Variants in NTRK2 observed in about 807,000 individuals in gnomAD.
NTRK2 encodes the protein neurotrophic receptor tyrosine kinase 2.
Under a neutral mutation model 94.5 loss-of-function variants are expected in NTRK2, and 13 were observed. The observed-to-expected ratio is 0.14, with a 90% CI of 0.09 to 0.22. The LOEUF is 0.22. Among genes scored for constraint, NTRK2 ranks in the 10% least tolerant of loss-of-function variants. The pLI, the probability that NTRK2 is intolerant of heterozygous loss-of-function variation, is 1.00. For missense variants in NTRK2, 639 were observed against 1,071.2 expected (o/e 0.60, Z 5.63); for synonymous variants, 372 against 407.4 (o/e 0.91, Z 1.05).
chr9:84,830,215 C>T (rs1028623952), intron 12 of NTRK2, among the ~76,000 whole-genome samples: 3 of 152,194 alleles, frequency 2.0e-5, no homozygotes, highest in Non-Finnish European at 2.9e-5. Flanking sequence ...CTCAGGCCCT[C>T]CCATGATGCC....
intron 12 of NTRK2, among the ~76,000 whole-genome samples, chr9:84,810,262 G>A (rs1005346597): frequency 3.9e-5 from 6 of 152,224 alleles, no homozygotes; most frequent in African/African-American, 7.2e-5. Flanking sequence ...TGTGGATGGA[G>A]CTGTATGCAG....
chr9:84,987,687 CT>C (rs1218710459), intron 17 of NTRK2, among the ~76,000 whole-genome samples: 2 of 152,120 alleles, frequency 1.3e-5, no homozygotes, highest in Admixed American at 1.3e-4. Context: ...TCAATTTTCT[CT>C]TTAAATAGTA....
chr9:84,733,815 G>A (rs1306885976), intron 9 of NTRK2, among the ~76,000 whole-genome samples: 1 of 152,162 alleles, frequency 6.6e-6, no homozygotes, highest in Non-Finnish European at 1.5e-5. Context: ...CTTCTTTCTT[G>A]TGGAAGCCAG....
At chr9:84,943,680 G>A (rs932461731) in intron 15 of NTRK2, among the ~76,000 whole-genome samples, 8 of 152,274 alleles carry the variant, frequency 5.3e-5, no homozygotes, top group South Asian at 4.2e-4. Flanking sequence ...GCTGCCACCC[G>A]ATATTCATGG....
intron 11 of NTRK2, among the ~76,000 whole-genome samples, chr9:84,746,316 G>C (rs1421975376): frequency 6.6e-6 from 1 of 152,142 alleles, no homozygotes; most frequent in Non-Finnish European, 1.5e-5. Context: ...CTTGTGCTCC[G>C]ATGGGGGTGG....
chr9:84,829,032 C>G (rs892002619), intron 12 of NTRK2, among the ~76,000 whole-genome samples: 1 of 151,176 alleles, frequency 6.6e-6, no homozygotes, highest in Non-Finnish European at 1.5e-5. Flanking sequence ...GGGTCTTACT[C>G]TTGTCACCCA....
At chr9:84,851,741 C>T (rs2074782450) in intron 12 of NTRK2, among the ~76,000 whole-genome samples, 1 of 152,088 alleles carries the variant, frequency 6.6e-6, no homozygotes, top group Non-Finnish European at 1.5e-5. Context: ...GGAAAATATC[C>T]TGTAATGAGA....
At chr9:84,959,246 T>G (rs1465210257) in intron 17 of NTRK2, among the ~76,000 whole-genome samples, 1 of 152,250 alleles carries the variant, frequency 6.6e-6, no homozygotes, top group Non-Finnish European at 1.5e-5. Context: ...TAAAAATTCT[T>G]TCCATCGCAG....
chr9:84,826,556 G>A (rs767261887), intron 12 of NTRK2, among the ~76,000 whole-genome samples: 14 of 152,142 alleles, frequency 9.2e-5, no homozygotes, highest in Non-Finnish European at 1.8e-4. Flanking sequence ...GAGTTGAACT[G>A]AGAGGTTGAT....
chr9:84,767,921 C>T (rs754328989), intron 12 of NTRK2, among the ~76,000 whole-genome samples: 9 of 152,148 alleles, frequency 5.9e-5, no homozygotes, highest in Non-Finnish European at 1.2e-4. Flanking sequence ...TATGGGTTAG[C>T]AAACTCAGAG....
At chr9:84,940,977 A>G (rs569232921) in intron 15 of NTRK2, among the ~76,000 whole-genome samples, 10 of 152,326 alleles carry the variant, frequency 6.6e-5, no homozygotes, top group Middle Eastern at 3.4e-3. Context: ...TTGTTCCCAA[A>G]AAATGGAAAT....
chr9:84,833,057 A>G (rs112577959), intron 12 of NTRK2, among the ~76,000 whole-genome samples: 1 of 139,174 alleles, frequency 7.2e-6, no homozygotes, highest in African/African-American at 2.7e-5. Flanking sequence ...CTGTCTCAGA[A>G]TCATCCAGTT....
intron 13 of NTRK2, among the ~76,000 whole-genome samples, chr9:84,866,366 A>G (rs573768605): frequency 6.6e-6 from 1 of 152,228 alleles, no homozygotes; most frequent in African/African-American, 2.4e-5. Flanking sequence ...GTCATAAAAT[A>G]AGCAAATATT....
At chr9:84,940,212 G>A (rs1273186501) in intron 15 of NTRK2, among the ~76,000 whole-genome samples, 2 of 152,152 alleles carry the variant, frequency 1.3e-5, no homozygotes, top group East Asian at 1.9e-4. Context: ...ACTAAAAGAA[G>A]GGAGAAAGAA....
intron 12 of NTRK2, among the ~76,000 whole-genome samples, chr9:84,793,284 T>A (rs747267418): frequency 4.5e-5 from 5 of 111,042 alleles, no homozygotes; most frequent in Non-Finnish European, 9.4e-5. Context: ...TTGGATTAAT[T>A]GAAAACAATC....
At chr9:84,922,365 C>G (rs2077594061) in intron 14 of NTRK2, among the ~76,000 whole-genome samples, 1 of 152,214 alleles carries the variant, frequency 6.6e-6, no homozygotes, top group South Asian at 2.1e-4. Context: ...ACCCTATGCT[C>G]AAAGGATTTG....
chr9:84,858,626 G>A (rs1192742975), intron 12 of NTRK2, among the ~76,000 whole-genome samples: 1 of 151,652 alleles, frequency 6.6e-6, no homozygotes, highest in Non-Finnish European at 1.5e-5. Flanking sequence ...TTGGAATAGA[G>A]GCTTCTTTTC....
intron 11 of NTRK2, among the ~76,000 whole-genome samples, 186 bp from the exon 12 acceptor site, chr9:84,751,800 A>G (rs978679712): frequency 2.6e-5 from 4 of 152,222 alleles, no homozygotes; most frequent in Admixed American, 2.6e-4. Flanking sequence ...TAGATCTTAC[A>G]TACTTCACTA....
At chr9:84,922,662 A>T (rs1379573550) in intron 14 of NTRK2, among the ~76,000 whole-genome samples, 2 of 152,160 alleles carry the variant, frequency 1.3e-5, no homozygotes, top group East Asian at 1.9e-4. Flanking sequence ...CCCGAGGCCC[A>T]TCAGGATGTT....
Sources: allele counts gnomAD v4.1 joint callset (sites outside exome capture counted in the v4.1 genomes callset), GRCh38; gene constraint gnomAD v4.1.1; transcripts MANE v1.5; gene names NCBI Gene and HGNC (gene_info 2026-07-23, HGNC 2026-07-21).